SNRK: variants seen among roughly 807,000 people sequenced by gnomAD.
SNRK encodes SNF related kinase, also known as SNF-related serine/threonine-protein kinase.
SNRK carries 3 observed loss-of-function variants against 48.2 expected under a neutral mutation model. The observed-to-expected ratio is 0.06, with a 90% confidence interval of 0.03 to 0.16. The LOEUF (loss-of-function observed/expected upper bound fraction) is 0.16. SNRK is among the 10% of genes least tolerant of loss of function. The pLI is 1.00. For synonymous variants in SNRK, 376 were observed against 366.1 expected (o/e 1.03, Z -0.31); for missense variants, 627 against 976.0 (o/e 0.64, Z 4.76).
intron 1 of SNRK, among the ~76,000 whole-genome samples, chr3:43,292,615 C>T (rs1048929372): frequency 2.0e-5 from 3 of 152,222 alleles, no homozygotes; most frequent in African/African-American, 7.2e-5. Context: ...ACTCCCAAAT[C>T]ATCACTTCAC....
chr3:43,301,939 A>T (rs1421737677), intron 2 of SNRK, among the ~76,000 whole-genome samples: 1 of 152,176 alleles, frequency 6.6e-6, no homozygotes, highest in Non-Finnish European at 1.5e-5. Context: ...TGTTTTTCTG[A>T]GTCATTGTCA....
Position 43,349,685 on chromosome 3 carries a change from C to G in SNRK, c.*1128C>G, listed in dbSNP as rs960188614. On this transcript the variant is annotated 3_prime_UTR_variant, in exon 7 of 7. Coordinates refer to ENST00000296088, the MANE Select transcript of SNRK (RefSeq NM_017719.5). ...TTTCTGGAATTGTTTTTCACTTTGC[C>G]TTTTTCTGCCAAAACAATAATCAAA... The G allele has an allele frequency of 6.6e-6, 1 of 152,172 alleles. No individual in the cohort carries two copies. Among genetic ancestry groups the G allele is most frequent in the Non-Finnish European group, 1.5e-5 (1 of 68,022 alleles). The allele number at this position is 152,172 out of a possible 1,614,324, so 9.4% of individuals were successfully genotyped here. A position where few individuals can be genotyped will look rare whatever the true frequency, so the allele number is the denominator to read the frequency against.
chr3:43,288,633 G>C (rs2090785729), intron 1 of SNRK, among the ~76,000 whole-genome samples: 1 of 152,146 alleles, frequency 6.6e-6, no homozygotes, highest in Non-Finnish European at 1.5e-5. Flanking sequence ...ATGGTTCTAA[G>C]TACTGGTATA....
At chr3:43,295,590 C>T (rs896682745) in intron 1 of SNRK, among the ~76,000 whole-genome samples, 1 of 152,198 alleles carries the variant, frequency 6.6e-6, no homozygotes, top group South Asian at 2.1e-4. Context: ...TGCATAACCA[C>T]ATAGTAATAC....
intron 1 of SNRK, among the ~76,000 whole-genome samples, 155 bp downstream of exon 1, chr3:43,286,830 G>A (rs2090767770): frequency 1.4e-5 from 2 of 146,156 alleles, no homozygotes; most frequent in African/African-American, 4.9e-5. Context: ...TCTCGGCGCC[G>A]GCCGCAGCGC....
intron 4 of SNRK, among the ~76,000 whole-genome samples, chr3:43,333,580 A>G (rs2091164888): frequency 6.6e-6 from 1 of 152,076 alleles, no homozygotes; most frequent in South Asian, 2.1e-4. Context: ...CGTTACTGTT[A>G]ACTATTCTCT....
chr3:43,339,545 C>T (rs898625227), intron 4 of SNRK, among the ~76,000 whole-genome samples: 6 of 151,792 alleles, frequency 4.0e-5, no homozygotes, highest in Admixed American at 2.0e-4. Context: ...GGGCCGGGCG[C>T]GGTGGCTCAT....
chr3:43,301,925 C>T (rs1228183550), intron 2 of SNRK, among the ~76,000 whole-genome samples: 6 of 152,108 alleles, frequency 3.9e-5, no homozygotes, highest in Non-Finnish European at 8.8e-5. Flanking sequence ...ATTTTATACA[C>T]GTTTGTTTTT....
intron 5 of SNRK, 84 bp from the exon 6 acceptor site, chr3:43,343,260 C>A: frequency 1.4e-6 from 2 of 1,472,686 alleles, no homozygotes; most frequent in Non-Finnish European, 1.8e-6. Context: ...ATTTAACTTG[C>A]TTGTACTTTT....
intron 3 of SNRK, among the ~76,000 whole-genome samples, chr3:43,313,950 T>C (rs2090996969): frequency 6.6e-6 from 1 of 152,254 alleles, no homozygotes; most frequent in Non-Finnish European, 1.5e-5. Flanking sequence ...AGTGTGGTTT[T>C]AGTTTTTAGC....
intron 3 of SNRK, among the ~76,000 whole-genome samples, chr3:43,326,429 G>A (rs966714154): frequency 2.0e-5 from 3 of 151,054 alleles, no homozygotes; most frequent in African/African-American, 7.3e-5. Flanking sequence ...TGTTGAGCAG[G>A]CCCTGGCTGA....
intron 3 of SNRK, among the ~76,000 whole-genome samples, chr3:43,304,443 A>C (rs895032816): frequency 1.3e-5 from 2 of 152,190 alleles, no homozygotes; most frequent in African/African-American, 4.8e-5. Flanking sequence ...TACCTTTGGC[A>C]TTCCTAACTA....
intron 2 of SNRK, among the ~76,000 whole-genome samples, chr3:43,302,871 AT>A (rs35710087): frequency 6.6e-5 from 10 of 151,060 alleles, no homozygotes; most frequent in African/African-American, 2.4e-4. Context: ...CAATGAACTA[AT>A]TTTTTTTTCA....
At chr3:43,328,762 G>T (rs1368735369) in intron 3 of SNRK, among the ~76,000 whole-genome samples, 1 of 151,986 alleles carries the variant, frequency 6.6e-6, no homozygotes, top group Non-Finnish European at 1.5e-5. Context: ...TGTTGGCTTT[G>T]TGCCTGCTTG....
In SNRK at chr3:43,289,120, A is replaced by G. The variant is rs144242068; in HGVS notation, c.-169+2445A>G. On this transcript the variant is annotated intron_variant, in intron 1 of 6. Transcript: ENST00000296088. ...ACCAAGGTAAACAGTAACAGTACGA[A>G]CAGATGAACTGTGGTGAGGCATAGG... 5.3e-5 allele frequency among the ~76,000 whole-genome samples: 8 copies of G among 152,292 alleles called. No individual in the cohort carries two copies. In the East Asian group the frequency reaches 1.5e-3, roughly 29 times the overall value.
rs141241469 is a variant in SNRK, at chr3:43,337,451, C to T, written c.732-2836C>T. Among the ~76,000 whole-genome samples the T allele has an allele frequency of 8.1e-3, 1,240 of 152,170 alleles. 9 individuals carry two copies. Among genetic ancestry groups the T allele is most frequent in the Non-Finnish European group, 0.014 (952 of 68,014 alleles). On this transcript the variant is annotated intron_variant, in intron 4 of 6. Transcript: ENST00000296088. Reference sequence around the variant, plus strand: ...TTGGAGGGTGTCGGGGGAATGGTCTCACCCTGTCACCCAGGCTGGAATGCC... The same window carrying T: ...TTGGAGGGTGTCGGGGGAATGGTCTTACCCTGTCACCCAGGCTGGAATGCC...
chr3:43,341,483 CAAAGAT>C (rs1380025905), intron 5 of SNRK, among the ~76,000 whole-genome samples: 1 of 152,178 alleles, frequency 6.6e-6, no homozygotes, highest in African/African-American at 2.4e-5. Context: ...AGTTTGGAAT[CAAAGAT>C]AATACAGAGG....
At position 43,347,474 on chromosome 3, in the gene SNRK, A is replaced by G; in HGVS notation, c.1215A>G (p.Lys405=). The part of the protein sequence containing the change: ...ADSVLNGHRS[K]GLCDSAKKDD... ...GTGTCCTCAATGGCCACAGGAGCAA[A>G]GGCCTGTGTGACTCAGCTAAGAAAG... is the stretch of plus-strand genomic sequence containing the variant. Residue 405 remains lysine, a synonymous_variant, in exon 7 of 7, where the codon AAA becomes AAG. Coordinates refer to ENST00000296088, the MANE Select transcript of SNRK (RefSeq NM_017719.5). This position sits in a 1 kb window ranked among gnomAD's most constrained non-coding sequence, Gnocchi z 5.4. 6.2e-7 allele frequency: 1 copy of G among 1,613,962 alleles called. No homozygotes were observed. Among genetic ancestry groups the G allele is most frequent in the South Asian group, 1.1e-5 (1 of 91,054 alleles).
intron 3 of SNRK, among the ~76,000 whole-genome samples, chr3:43,310,404 AC>A (rs1329433253): frequency 6.7e-6 from 1 of 149,796 alleles, no homozygotes; most frequent in Non-Finnish European, 1.5e-5. Flanking sequence ...TATTTCTCCT[AC>A]CCTACAAATA....
Sources: allele counts gnomAD v4.1 joint callset (sites outside exome capture counted in the v4.1 genomes callset), GRCh38; gene constraint gnomAD v4.1.1; non-coding constraint Gnocchi (gnomAD v3.1); transcripts MANE v1.5; gene names NCBI Gene and HGNC (gene_info 2026-07-23, HGNC 2026-07-21).